Variants in TMTC2 observed in about 807,000 individuals in gnomAD.
TMTC2 encodes protein O-mannosyl-transferase TMTC2.
A neutral mutation model predicts 82.4 loss-of-function variants in TMTC2; 43 were observed. The observed-to-expected ratio is 0.52, with a 90% CI of 0.41 to 0.67. TMTC2 has a LOEUF of 0.67. Ranked by LOEUF, TMTC2 falls within the 30% of genes least tolerant of loss-of-function variation. TMTC2 has a pLI of 0.00. For missense variants in TMTC2, 919 were observed against 1,012.4 expected (o/e 0.91, Z 1.25); for synonymous variants, 408 against 381.9 (o/e 1.07, Z -0.80).
chr12:82,814,124 A>C (rs538892530), intron 1 of TMTC2, among the ~76,000 whole-genome samples: 1 of 152,294 alleles, frequency 6.6e-6, no homozygotes, highest in East Asian at 1.9e-4. Context: ...TGGTGAGGTC[A>C]TGGATGGCAG....
chr12:83,003,383 G>T (rs1189386451), intron 8 of TMTC2, among the ~76,000 whole-genome samples: 1 of 148,300 alleles, frequency 6.7e-6, no homozygotes, highest in Non-Finnish European at 1.5e-5. Flanking sequence ...GCCTTTCTAT[G>T]CCTCTTACGT....
chr12:82,730,957 T>C (rs1004818602), intron 1 of TMTC2, among the ~76,000 whole-genome samples: 3 of 152,230 alleles, frequency 2.0e-5, no homozygotes, highest in Non-Finnish European at 4.4e-5. Flanking sequence ...GGATTCAGAG[T>C]AGCTAGCAGC....
chr12:83,006,994 G>A (rs1370702794), intron 8 of TMTC2, among the ~76,000 whole-genome samples: 2 of 151,994 alleles, frequency 1.3e-5, no homozygotes, highest in South Asian at 2.1e-4. Context: ...TGTAAATGAC[G>A]AGTTGATGGG....
At chr12:83,113,319 A>G (rs1480872343) in intron 11 of TMTC2, among the ~76,000 whole-genome samples, 2 of 152,230 alleles carry the variant, frequency 1.3e-5, no homozygotes, top group African/African-American at 2.4e-5. Context: ...TATTACTCAG[A>G]AAATGTCATT....
intron 3 of TMTC2, among the ~76,000 whole-genome samples, chr12:82,907,575 A>T (rs1277990139): frequency 1.3e-5 from 2 of 152,108 alleles, no homozygotes; most frequent in Non-Finnish European, 2.9e-5. Context: ...AATCCAGACC[A>T]CAACAGACTC....
chr12:82,916,614 C>T (rs1242475287), intron 3 of TMTC2, among the ~76,000 whole-genome samples: 3 of 151,990 alleles, frequency 2.0e-5, no homozygotes, highest in African/African-American at 7.2e-5. Context: ...AAGGAACAAC[C>T]GTAGATACAC....
At chr12:82,972,809 A>T (rs1169699781) in intron 7 of TMTC2, among the ~76,000 whole-genome samples, 1 of 152,190 alleles carries the variant, frequency 6.6e-6, no homozygotes, top group Non-Finnish European at 1.5e-5. Context: ...GAAGGAGCAT[A>T]AAGGAAGTCT....
chr12:82,960,408 G>A (rs1283129811), intron 4 of TMTC2, among the ~76,000 whole-genome samples: 2 of 152,002 alleles, frequency 1.3e-5, no homozygotes, highest in African/African-American at 4.8e-5. Flanking sequence ...ACTGGGTAAA[G>A]AAAAGGGGGT....
intron 11 of TMTC2, among the ~76,000 whole-genome samples, chr12:83,069,005 AGTCTCAT>A (rs1460063876): frequency 2.0e-5 from 3 of 152,154 alleles, no homozygotes; most frequent in South Asian, 2.1e-4. Flanking sequence ...AATAGTCTCC[AGTCTCAT>A]CCAAGTCACC....
intron 1 of TMTC2, among the ~76,000 whole-genome samples, chr12:82,825,292 A>G (rs1388135156): frequency 6.6e-6 from 1 of 152,198 alleles, no homozygotes; most frequent in East Asian, 1.9e-4. Flanking sequence ...AAGTATTTAT[A>G]ACAGGACAAA....
intron 7 of TMTC2, among the ~76,000 whole-genome samples, chr12:82,983,226 A>G (rs1879005725): frequency 6.6e-6 from 1 of 152,064 alleles, no homozygotes; most frequent in South Asian, 2.1e-4. Context: ...TATTATTAAG[A>G]CACAATGAAT....
In TMTC2 at chr12:82,899,747, T is replaced by TATATATAAGAATATATATGTGGA. The variant is rs1873885183; in HGVS notation, c.1483+3109_1483+3131dup. Among the ~76,000 whole-genome samples the TATATATAAGAATATATATGTGGA allele has an allele frequency of 2.1e-5, 3 of 144,128 alleles. No individual in the cohort carries two copies. In the East Asian group the frequency reaches 5.9e-4, roughly 28 times the overall value. The allele number at this position is 144,128 out of a possible 152,430, so 94.6% of individuals were successfully genotyped here. On this transcript the variant is annotated intron_variant, in intron 3 of 11. Transcript: ENST00000321196. The stretch of plus-strand genomic sequence containing the variant: ...TAAGAATATATATATGTGGAATATA[T>TATATATAAGAATATATATGTGGA]ATATATAAGAATATATATGTGGAAT...
At chr12:83,095,768 G>A (rs778679125) in intron 11 of TMTC2, among the ~76,000 whole-genome samples, 2 of 151,794 alleles carry the variant, frequency 1.3e-5, no homozygotes, top group African/African-American at 4.8e-5. Flanking sequence ...TTGCATGTAA[G>A]CCATCTATTA....
rs559051192 is a variant in TMTC2, at chr12:82,707,246, C to T, written c.83+19577C>T. Among the ~76,000 whole-genome samples the T allele has an allele frequency of 1.1e-3, 171 of 152,112 alleles. 3 individuals carry two copies. In the South Asian group the frequency reaches 0.033, roughly 30 times the overall value. The stretch of plus-strand genomic sequence containing the variant: ...TTTTGCTGTGTCCTTACATGGAGGT[C>T]GGGGGCAAGGGAATTCTCTGGGGCC... On this transcript the variant is annotated intron_variant, in intron 1 of 11. Transcript: ENST00000321196.
chr12:83,070,860 A>G (rs8181609), intron 11 of TMTC2, among the ~76,000 whole-genome samples: 120,322 of 152,118 alleles, frequency 0.79, 47,737 homozygotes, highest in East Asian at 0.9. Flanking sequence ...CACAGGGTAC[A>G]TCCCTTGTAT....
intron 3 of TMTC2, among the ~76,000 whole-genome samples, chr12:82,906,343 G>T (rs911872750): frequency 6.6e-6 from 1 of 152,066 alleles, no homozygotes; most frequent in African/African-American, 2.4e-5. Context: ...TTTTTCAACA[G>T]AAGTTCAGAT....
chr12:83,047,692 C>A (rs531168887), intron 9 of TMTC2, among the ~76,000 whole-genome samples: 1 of 152,038 alleles, frequency 6.6e-6, no homozygotes, highest in Admixed American at 6.6e-5. Context: ...ATGATCATAT[C>A]GGAATTTTTT....
chr12:82,765,615 G>A (rs1270432311), intron 1 of TMTC2, among the ~76,000 whole-genome samples: 1 of 151,968 alleles, frequency 6.6e-6, no homozygotes, highest in Admixed American at 6.6e-5. Flanking sequence ...CAGAGGTTGA[G>A]GTGAACCAAG....
At chr12:82,929,593 T>C (rs1592634751) in intron 3 of TMTC2, among the ~76,000 whole-genome samples, 1 of 152,138 alleles carries the variant, frequency 6.6e-6, no homozygotes, top group East Asian at 1.9e-4. Flanking sequence ...ACTAAATATA[T>C]CTCAACACAC....
Sources: allele counts gnomAD v4.1 joint callset (sites outside exome capture counted in the v4.1 genomes callset), GRCh38; gene constraint gnomAD v4.1.1; transcripts MANE v1.5; gene names NCBI Gene and HGNC (gene_info 2026-07-23, HGNC 2026-07-21).